The following ADAMTS17 variants were observed in gnomAD, a reference collection of about 807,000 sequenced individuals.
The protein encoded by ADAMTS17 is A disintegrin and metalloproteinase with thrombospondin motifs 17.
ADAMTS17 carries 113 observed loss-of-function variants against 141.5 expected under a neutral mutation model. The ratio of observed to expected loss-of-function variants is 0.80; its 90% confidence interval spans 0.69 to 0.93. ADAMTS17 has a LOEUF of 0.93. Among genes scored for constraint, ADAMTS17 ranks in the 40% least tolerant of loss-of-function variants. The pLI is 0.00. For synonymous variants in ADAMTS17, 768 were observed against 630.6 expected (o/e 1.22, Z -3.27); for missense variants, 1,659 against 1,517.9 (o/e 1.09, Z -1.54).
intron 15 of ADAMTS17, among the ~76,000 whole-genome samples, chr15:100,083,148 G>A (rs1014946641): frequency 2.6e-5 from 4 of 152,142 alleles, no homozygotes; most frequent in Non-Finnish European, 5.9e-5. Context: ...TTCCCCGCAG[G>A]AGCCTGAAGC....
At chr15:100,049,666 C>G (rs755332882) in intron 17 of ADAMTS17, among the ~76,000 whole-genome samples, 1 of 152,226 alleles carries the variant, frequency 6.6e-6, no homozygotes, top group Non-Finnish European at 1.5e-5. Context: ...AAATACTGCA[C>G]GGCCATGCCT....
chr15:100,174,808 T>G (rs1233058643), intron 8 of ADAMTS17, among the ~76,000 whole-genome samples: 1 of 152,216 alleles, frequency 6.6e-6, no homozygotes, highest in Non-Finnish European at 1.5e-5. Context: ...AAGGATTGCA[T>G]GAACGACAGT....
chr15:100,244,326 C>T (rs937487337), intron 7 of ADAMTS17, among the ~76,000 whole-genome samples: 6 of 142,900 alleles, frequency 4.2e-5, no homozygotes, highest in South Asian at 2.4e-4. Flanking sequence ...AGTCACTCAA[C>T]GACAGTGGTG....
chr15:100,235,022 A>T (rs1344865264), intron 7 of ADAMTS17, among the ~76,000 whole-genome samples: 1 of 152,202 alleles, frequency 6.6e-6, no homozygotes, highest in Non-Finnish European at 1.5e-5. Flanking sequence ...AATTATGTTC[A>T]CGGAATAAAA....
intron 7 of ADAMTS17, among the ~76,000 whole-genome samples, chr15:100,253,046 C>T (rs765704206): frequency 2.0e-5 from 3 of 152,080 alleles, no homozygotes; most frequent in Non-Finnish European, 2.9e-5. Flanking sequence ...AGGTTTTCAA[C>T]ATGTGAATTT....
At chr15:100,293,643 G>A (rs925218760) in intron 3 of ADAMTS17, among the ~76,000 whole-genome samples, 2 of 152,036 alleles carry the variant, frequency 1.3e-5, no homozygotes, top group African/African-American at 2.4e-5. Context: ...GCCTTGGAAC[G>A]CCTCCTGGCC....
intron 3 of ADAMTS17, among the ~76,000 whole-genome samples, chr15:100,328,905 G>A (rs918978447): frequency 7.9e-5 from 12 of 152,098 alleles, no homozygotes; most frequent in Non-Finnish European, 1.0e-4. Flanking sequence ...CCTTTGTTTC[G>A]TTGCATGGCC....
chr15:100,219,913 T>C (rs982060882), intron 7 of ADAMTS17, among the ~76,000 whole-genome samples: 1 of 152,200 alleles, frequency 6.6e-6, no homozygotes, highest in African/African-American at 2.4e-5. Flanking sequence ...AGTTTTAAAA[T>C]AATATGTGCC....
At chr15:100,330,446 C>T (rs557508805) in intron 3 of ADAMTS17, among the ~76,000 whole-genome samples, 1 of 152,306 alleles carries the variant, frequency 6.6e-6, no homozygotes, top group Admixed American at 6.5e-5. Context: ...ATGCTGCTGG[C>T]CCGGGGGCCA....
At chr15:100,220,569 G>A (rs2042103073) in intron 7 of ADAMTS17, among the ~76,000 whole-genome samples, 1 of 152,102 alleles carries the variant, frequency 6.6e-6, no homozygotes. Context: ...TGCTTCAGTG[G>A]TTTTAGTACT....
At chr15:100,285,605 G>A (rs1205773492) in intron 3 of ADAMTS17, among the ~76,000 whole-genome samples, 1 of 152,170 alleles carries the variant, frequency 6.6e-6, no homozygotes, top group Admixed American at 6.5e-5. Context: ...CATTTCCAAG[G>A]AAGACCTGGG....
intron 20 of ADAMTS17, among the ~76,000 whole-genome samples, chr15:99,976,919 C>T (rs2060345327): frequency 6.6e-6 from 1 of 152,112 alleles, no homozygotes; most frequent in Non-Finnish European, 1.5e-5. Flanking sequence ...CGCCTCTGCT[C>T]CAGGCTCTGA....
chr15:100,135,442 C>T (rs1172353878), intron 10 of ADAMTS17, among the ~76,000 whole-genome samples: 2 of 152,040 alleles, frequency 1.3e-5, no homozygotes, highest in East Asian at 3.9e-4. Context: ...CGCCACCACA[C>T]CCGGCTAATT....
intron 15 of ADAMTS17, among the ~76,000 whole-genome samples, chr15:100,072,602 G>A (rs1265772381): frequency 6.6e-6 from 1 of 152,034 alleles, no homozygotes; most frequent in Non-Finnish European, 1.5e-5. Flanking sequence ...AAATAATACT[G>A]CACATCTACA....
chr15:100,277,204 C>G (rs74039149), intron 4 of ADAMTS17, among the ~76,000 whole-genome samples: 1 of 152,102 alleles, frequency 6.6e-6, no homozygotes, highest in Non-Finnish European at 1.5e-5. Flanking sequence ...CCAAACTTCA[C>G]GTGTTAGCCC....
rs994042553 is a variant in ADAMTS17 at position 100,332,628 on chromosome 15, T to C, written c.451-1574A>G. ...AAGCAGTCAGCTGTTAGTTCTAAGC[T>C]GATACAAATTTTTAAAGACAGGGAG... On this transcript the variant is annotated intron_variant, in intron 2 of 21. Coordinates refer to ENST00000268070, the MANE Select transcript of ADAMTS17 (RefSeq NM_139057.4). 7.2e-5 allele frequency among the ~76,000 whole-genome samples: 11 copies of C among 152,360 alleles called. No individual in the cohort carries two copies. The Middle Eastern group carries it at 0.014, about 188-fold the overall frequency.
intron 8 of ADAMTS17, among the ~76,000 whole-genome samples, chr15:100,178,799 A>T (rs1381164492): frequency 6.6e-6 from 1 of 152,172 alleles, no homozygotes; most frequent in Non-Finnish European, 1.5e-5. Context: ...TCATTCCTGA[A>T]GGATAGTTTT....
At chr15:100,036,672 T>G (rs1477241719) in intron 18 of ADAMTS17, among the ~76,000 whole-genome samples, 1 of 152,210 alleles carries the variant, frequency 6.6e-6, no homozygotes, top group Non-Finnish European at 1.5e-5. Flanking sequence ...TTCACTACAA[T>G]CTAGGATCTT....
intron 7 of ADAMTS17, among the ~76,000 whole-genome samples, chr15:100,212,335 C>T (rs567363701): frequency 3.3e-5 from 5 of 152,122 alleles, no homozygotes; most frequent in Non-Finnish European, 7.3e-5. Context: ...CAGTCAGGCC[C>T]GTGCATAACG....
Sources: allele counts gnomAD v4.1 joint callset (sites outside exome capture counted in the v4.1 genomes callset), GRCh38; gene constraint gnomAD v4.1.1; transcripts MANE v1.5; gene names NCBI Gene and HGNC (gene_info 2026-07-23, HGNC 2026-07-21).